LDLRAD3: variants seen among roughly 807,000 people sequenced by gnomAD.
LDLRAD3 encodes the protein low density lipoprotein receptor class A domain containing 3.
LDLRAD3 carries 20 observed loss-of-function variants against 29.4 expected under a neutral mutation model. The ratio of observed to expected loss-of-function variants is 0.68; its 90% CI spans 0.48 to 0.99. The LOEUF is 0.99. Among genes scored for constraint, LDLRAD3 ranks in the 50% least tolerant of loss-of-function variants. LDLRAD3 has a pLI of 0.00. For missense variants in LDLRAD3, 420 were observed against 454.3 expected (o/e 0.92, Z 0.69); for synonymous variants, 157 against 192.7 (o/e 0.81, Z 1.53).
intron 4 of LDLRAD3, among the ~76,000 whole-genome samples, chr11:36,170,359 T>C (rs990123953): frequency 2.7e-4 from 40 of 150,524 alleles, no homozygotes; most frequent in African/African-American, 8.0e-4. Context: ...TACATATATA[T>C]ACACACACAC....
chr11:36,192,242 T>G (rs1319243535), intron 4 of LDLRAD3, among the ~76,000 whole-genome samples: 1 of 152,164 alleles, frequency 6.6e-6, no homozygotes, highest in Non-Finnish European at 1.5e-5. Context: ...TACTTGCACT[T>G]TAAACGTGAG....
At chr11:35,945,598 G>A (rs1204352966) in intron 1 of LDLRAD3, among the ~76,000 whole-genome samples, 1 of 152,150 alleles carries the variant, frequency 6.6e-6, no homozygotes, top group Non-Finnish European at 1.5e-5. Context: ...GTTAGAGCAG[G>A]TCGATTTTCA....
chr11:36,100,811 C>T lies in LDLRAD3; in HGVS notation c.454+2350C>T, dbSNP rs547008415. Among the ~76,000 whole-genome samples the T allele has an allele frequency of 2.0e-5, 3 of 152,328 alleles. No homozygotes were observed. The South Asian group carries it at 6.2e-4, about 32-fold the overall frequency. On this transcript the variant is annotated intron_variant, in intron 4 of 5. Transcript: ENST00000315571. The stretch of plus-strand genomic sequence containing the variant: ...TGCCCTAAGACGTTCAGTGAAAAGA[C>T]TCCCACGTCTAAGATGTGGAGGTTA...
At chr11:36,217,826 C>T (rs1450683784) in intron 4 of LDLRAD3, among the ~76,000 whole-genome samples, 1 of 152,186 alleles carries the variant, frequency 6.6e-6, no homozygotes, top group East Asian at 1.9e-4. Context: ...CCTTCAACTT[C>T]GCATGGCCTT....
rs1439166143 is a variant in LDLRAD3 at position 36,231,699 on chromosome 11, T to A, written c.*2302T>A. The A allele has an allele frequency of 2.0e-5, 3 of 152,196 alleles. No homozygotes were observed. In the South Asian group the frequency reaches 6.2e-4, roughly 32 times the overall value. 9.4% of individuals were successfully genotyped at this position (152,196 alleles called of 1,614,324 possible). A position where few individuals can be genotyped will look rare whatever the true frequency, so the allele number is the denominator to read the frequency against. ...TTATAGATTTGATTTTTTTAATGAATGTTTTTAAAAATATATAAATAGGAC... is the reference window on the plus strand; with the variant it reads ...TTATAGATTTGATTTTTTTAATGAAAGTTTTTAAAAATATATAAATAGGAC... On this transcript the variant is annotated 3_prime_UTR_variant, in exon 6 of 6. Transcript: ENST00000315571.
chr11:36,081,190 C>T (rs890015037), intron 2 of LDLRAD3, among the ~76,000 whole-genome samples: 1 of 152,142 alleles, frequency 6.6e-6, no homozygotes, highest in South Asian at 2.1e-4. Flanking sequence ...GCCCATCATC[C>T]CATTGGGTGA....
intron 3 of LDLRAD3, among the ~76,000 whole-genome samples, chr11:36,094,567 G>T (rs181630945): frequency 6.6e-6 from 1 of 152,080 alleles, no homozygotes; most frequent in African/African-American, 2.4e-5. Flanking sequence ...ACGGGGTCTC[G>T]CTCTGTCACC....
chr11:36,038,045 C>T (rs1250565511), intron 2 of LDLRAD3, among the ~76,000 whole-genome samples: 3 of 152,174 alleles, frequency 2.0e-5, no homozygotes, highest in Admixed American at 6.5e-5. Context: ...CACAGGAGTG[C>T]GCCGTCACGC....
chr11:36,055,481 G>A (rs974645619), intron 2 of LDLRAD3, among the ~76,000 whole-genome samples: 2 of 152,196 alleles, frequency 1.3e-5, no homozygotes, highest in African/African-American at 4.8e-5. Flanking sequence ...CAGAAACAGA[G>A]GGTTCCTGGC....
At chr11:35,995,559 C>A (rs1205941558) in intron 1 of LDLRAD3, among the ~76,000 whole-genome samples, 1 of 152,230 alleles carries the variant, frequency 6.6e-6, no homozygotes, top group Non-Finnish European at 1.5e-5. Flanking sequence ...GCTGCATTAG[C>A]TCTTAACAAG....
chr11:36,037,318 C>CT (rs559222218), intron 2 of LDLRAD3, among the ~76,000 whole-genome samples: 53 of 150,240 alleles, frequency 3.5e-4, no homozygotes, highest in Admixed American at 8.0e-4. Context: ...ATCATTTGAA[C>CT]TTTTTTTTTT....
At chr11:36,225,081 C>T (rs750186773) in intron 4 of LDLRAD3, among the ~76,000 whole-genome samples, 10 of 152,144 alleles carry the variant, frequency 6.6e-5, no homozygotes, top group Non-Finnish European at 1.3e-4. Context: ...ACAAAACAGA[C>T]GCACACCTAG....
intron 4 of LDLRAD3, among the ~76,000 whole-genome samples, chr11:36,214,766 T>A (rs999521301): frequency 1.3e-5 from 2 of 152,104 alleles, no homozygotes; most frequent in Non-Finnish European, 2.9e-5. Context: ...TTCTCACCTG[T>A]GAGGCTGAAT....
intron 2 of LDLRAD3, among the ~76,000 whole-genome samples, chr11:36,038,132 C>T (rs1350469834): frequency 6.6e-6 from 1 of 151,992 alleles, no homozygotes; most frequent in African/African-American, 2.4e-5. Flanking sequence ...CCCCTGAGCT[C>T]AATAATCCAT....
At chr11:36,173,969 C>T (rs1854635391) in intron 4 of LDLRAD3, among the ~76,000 whole-genome samples, 1 of 152,180 alleles carries the variant, frequency 6.6e-6, no homozygotes. Flanking sequence ...AACTACACTA[C>T]AAGGCTACAG....
intron 2 of LDLRAD3, among the ~76,000 whole-genome samples, chr11:36,075,573 T>C (rs1852985052): frequency 6.6e-6 from 1 of 152,238 alleles, no homozygotes; most frequent in Non-Finnish European, 1.5e-5. Context: ...GTGCATATCC[T>C]ATTTCTCCTC....
chr11:36,026,179 G>T (rs531067256), intron 1 of LDLRAD3, among the ~76,000 whole-genome samples: 1 of 152,102 alleles, frequency 6.6e-6, no homozygotes, highest in Non-Finnish European at 1.5e-5. Flanking sequence ...TCTGCAGTTC[G>T]CTCTTTTCAC....
intron 4 of LDLRAD3, among the ~76,000 whole-genome samples, chr11:36,183,293 C>T (rs1381707371): frequency 6.6e-6 from 1 of 151,772 alleles, no homozygotes; most frequent in African/African-American, 2.4e-5. Flanking sequence ...AAATTTCAAC[C>T]TACTCAAAGC....
intron 4 of LDLRAD3, among the ~76,000 whole-genome samples, chr11:36,135,835 G>A (rs1042028556): frequency 3.3e-5 from 5 of 152,066 alleles, no homozygotes; most frequent in Non-Finnish European, 7.4e-5. Flanking sequence ...GTTTGAACCC[G>A]GGAGGCAGAG....
Sources: gnomAD v4.1 joint callset for allele counts (sites outside exome capture counted in the v4.1 genomes callset) on GRCh38, gnomAD v4.1.1 for gene constraint, MANE v1.5 for transcripts, NCBI Gene and HGNC (gene_info 2026-07-23, HGNC 2026-07-21) for gene names.